Variants in TENM1 observed in about 807,000 individuals in gnomAD.
The protein encoded by TENM1 is teneurin-1.
A neutral mutation model predicts 174.8 loss-of-function variants in TENM1; 35 were observed. That is an observed-to-expected ratio of 0.20 (90% confidence interval 0.15 to 0.27). The LOEUF (loss-of-function observed/expected upper bound fraction) is 0.27, where lower values mean the gene tolerates loss of function less well. Among genes scored for constraint, TENM1 ranks in the 10% least tolerant of loss-of-function variants. The pLI, the probability that TENM1 is intolerant of heterozygous loss-of-function variation, is 1.00. For missense variants in TENM1, 1,633 were observed against 2,130.1 expected (o/e 0.77, Z 4.59); for synonymous variants, 781 against 798.7 (o/e 0.98, Z 0.37).
intron 22 of TENM1, among the ~76,000 whole-genome samples, chrX:124,454,490 G>A (rs1418596907): frequency 1.8e-5 from 2 of 110,526 alleles, no homozygotes; most frequent in Admixed American, 9.7e-5. Context: ...TGCAACCTCC[G>A]CCTCCTGGGT....
intron 24 of TENM1, 33 bp from the exon 28 acceptor site, chrX:124,420,854 C>A (rs1458030853): frequency 8.6e-7 from 1 of 1,165,015 alleles, no homozygotes; most frequent in African/African-American, 1.8e-5. Context: ...TAACAATTGG[C>A]ATCATAAGCA....
chrX:124,477,569 T>G (rs1437887045), intron 22 of TENM1, among the ~76,000 whole-genome samples: 2 of 110,523 alleles, frequency 1.8e-5, no homozygotes, highest in East Asian at 5.8e-4. Flanking sequence ...CTGACCAACA[T>G]GGTGAAACCC....
At chrX:124,956,623 A>C (rs779769018) in intron 1 of TENM1, among the ~76,000 whole-genome samples, 46 of 112,608 alleles carry the variant, frequency 4.1e-4, no homozygotes, top group Middle Eastern at 4.6e-3. Flanking sequence ...TGAGCCAATT[A>C]GAGTTATTGT....
chrX:125,161,941 C>T, the TENM1 span, among the ~76,000 whole-genome samples: 364 of 111,933 alleles, frequency 3.3e-3, no homozygotes, highest in African/African-American at 0.011. Context: ...ATGGTAATTA[C>T]GTGTTCTTTT....
chrX:124,808,464 C>T (rs1414676235), intron 3 of TENM1, among the ~76,000 whole-genome samples: 1 of 111,853 alleles, frequency 8.9e-6, no homozygotes, highest in Non-Finnish European at 1.9e-5. Flanking sequence ...ACTTAAACTG[C>T]ACTCTAGGCC....
At chrX:124,994,013 T>C in the TENM1 span, among the ~76,000 whole-genome samples, 1 of 110,311 alleles carries the variant, frequency 9.1e-6, no homozygotes, top group African/African-American at 3.3e-5. Context: ...ATTTTCATGA[T>C]GATTTTTCTG....
chrX:124,469,724 AAG>A (rs1569533308), intron 22 of TENM1, among the ~76,000 whole-genome samples: 1 of 111,758 alleles, frequency 8.9e-6, no homozygotes. Flanking sequence ...GGGTTAAAAA[AAG>A]AGAAAAAAAT....
chrX:124,966,582 A>C (rs1432456406), upstream of TENM1, among the ~76,000 whole-genome samples: 1 of 106,703 alleles, frequency 9.4e-6, no homozygotes, highest in Non-Finnish European at 1.9e-5. Flanking sequence ...GAATGGCGTG[A>C]ACCTGGGAGG....
intron 25 of TENM1, among the ~76,000 whole-genome samples, chrX:124,408,502 C>G: frequency 9.0e-6 from 1 of 110,909 alleles, no homozygotes; most frequent in Non-Finnish European, 1.9e-5. Flanking sequence ...GGCAGTAGAC[C>G]GAAGGAAGCT....
intron 3 of TENM1, among the ~76,000 whole-genome samples, chrX:124,885,780 C>T (rs2057373972): frequency 9.0e-6 from 1 of 111,056 alleles, no homozygotes; most frequent in African/African-American, 3.3e-5. Context: ...AGTCAACTTG[C>T]CTCTGAAGTA....
At chrX:124,848,671 T>C (rs1008403134) in intron 3 of TENM1, among the ~76,000 whole-genome samples, 5 of 110,916 alleles carry the variant, frequency 4.5e-5, no homozygotes, top group Non-Finnish European at 7.6e-5. Context: ...ATAGAATTCA[T>C]TGTAGTGTTG....
chrX:124,864,076 A>G (rs1377713605), intron 3 of TENM1, among the ~76,000 whole-genome samples: 1 of 112,295 alleles, frequency 8.9e-6, no homozygotes, highest in African/African-American at 3.2e-5. Context: ...AGCATATATC[A>G]CAACACACAA....
chrX:124,986,161 C>T, the TENM1 span, among the ~76,000 whole-genome samples: 1 of 111,076 alleles, frequency 9.0e-6, no homozygotes, highest in Non-Finnish European at 1.9e-5. Flanking sequence ...ATCCTTGATC[C>T]CAAGACCTTT....
At chrX:125,186,974 T>C in the TENM1 span, among the ~76,000 whole-genome samples, 1 of 112,373 alleles carries the variant, frequency 8.9e-6, no homozygotes, top group Non-Finnish European at 1.9e-5. Context: ...TTTTAAAAAG[T>C]CATTCATGGC....
At chrX:124,619,366 A>T (rs1482649838) in intron 11 of TENM1, among the ~76,000 whole-genome samples, 1 of 112,102 alleles carries the variant, frequency 8.9e-6, no homozygotes, top group African/African-American at 3.2e-5. Flanking sequence ...TTTTTCTAGA[A>T]CTGGGAAATA....
chrX:125,015,653 A>G, the TENM1 span, among the ~76,000 whole-genome samples: 3 of 111,254 alleles, frequency 2.7e-5, no homozygotes, highest in African/African-American at 9.8e-5. Flanking sequence ...ATATTGGAAC[A>G]TAGCCTAAAA....
At chrX:124,790,910 A>G (rs2055164623) in intron 3 of TENM1, among the ~76,000 whole-genome samples, 1 of 111,638 alleles carries the variant, frequency 9.0e-6, no homozygotes, top group Non-Finnish European at 1.9e-5. Flanking sequence ...AAAAAATAGT[A>G]AATGAATGGG....
intron 3 of TENM1, among the ~76,000 whole-genome samples, chrX:124,796,542 G>A (rs1256781414): frequency 1.8e-5 from 2 of 111,571 alleles, no homozygotes; most frequent in African/African-American, 6.5e-5. Context: ...AAAAACACAG[G>A]AAAATCTTGC....
At chrX:124,384,139 G>T (rs184919933) in exon 30 of TENM1, 3 of 1,209,809 alleles carry the variant, frequency 2.5e-6, no homozygotes, top group East Asian at 5.9e-5. Context: ...ACTTACTCGC[G>T]ACACGTCGCC....
Sources: gnomAD v4.1 joint callset for allele counts (sites outside exome capture counted in the v4.1 genomes callset) on GRCh38, gnomAD v4.1.1 for gene constraint, MANE v1.5 for transcripts, NCBI Gene and HGNC (gene_info 2026-07-23, HGNC 2026-07-21) for gene names.